Variants in PLEK2 observed in about 807,000 individuals in gnomAD.
The protein encoded by PLEK2 is pleckstrin 2, also known as pleckstrin-2.
PLEK2 carries 29 observed loss-of-function variants against 43.8 expected under a neutral mutation model. That is an observed-to-expected ratio of 0.66 (90% confidence interval 0.49 to 0.90). PLEK2 has a LOEUF of 0.90. PLEK2 is among the 40% of genes least tolerant of loss of function. The pLI is 0.00. For synonymous variants in PLEK2, 162 were observed against 173.2 expected (o/e 0.94, Z 0.51); for missense variants, 398 against 448.1 (o/e 0.89, Z 1.01).
At chr14:67,393,601 T>C (rs2085985537) in intron 3 of PLEK2, among the ~76,000 whole-genome samples, 1 of 151,932 alleles carries the variant, frequency 6.6e-6, no homozygotes, top group Non-Finnish European at 1.5e-5. Context: ...TTACAGACAT[T>C]TGCCACCACA....
intron 1 of PLEK2, among the ~76,000 whole-genome samples, chr14:67,411,803 TC>T (rs1157302487): frequency 6.6e-6 from 1 of 152,252 alleles, no homozygotes; most frequent in Admixed American, 6.5e-5. Context: ...AGTGGGATTC[TC>T]CTCCTTGCCT....
chr14:67,395,324 C>T (rs1057165603), intron 3 of PLEK2, 78 bp downstream of exon 3: 7 of 1,326,198 alleles, frequency 5.3e-6, no homozygotes, highest in Admixed American at 3.7e-5. Context: ...CACAGAGCCC[C>T]CCCAAGGGGC....
chr14:67,393,011 C>A (rs1236910220), intron 4 of PLEK2, 139 bp downstream of exon 4: 1 of 870,518 alleles, frequency 1.1e-6, no homozygotes, highest in Non-Finnish European at 1.9e-6. Context: ...GCTGCACACC[C>A]ACACATGGCC....
At chr14:67,398,869 G>GT in intron 1 of PLEK2, among the ~76,000 whole-genome samples, 1 of 152,264 alleles carries the variant, frequency 6.6e-6, no homozygotes. Context: ...TCCCTGTTTT[G>GT]TTTGGCCTTG....
intron 7 of PLEK2, among the ~76,000 whole-genome samples, chr14:67,389,626 A>G (rs1459197697): frequency 2.6e-5 from 4 of 152,066 alleles, no homozygotes; most frequent in African/African-American, 9.7e-5. Flanking sequence ...GTATTTATAG[A>G]TAGGTGTGTA....
intron 6 of PLEK2, among the ~76,000 whole-genome samples, chr14:67,390,960 T>A (rs2085962039): frequency 6.6e-6 from 1 of 151,922 alleles, no homozygotes; most frequent in South Asian, 2.1e-4. Flanking sequence ...AAAAATGCCA[T>A]CACCTTAAGT....
At chr14:67,392,583 G>A in intron 5 of PLEK2, 79 bp downstream of exon 5, 1 of 1,362,420 alleles carries the variant, frequency 7.3e-7, no homozygotes, top group South Asian at 1.2e-5. Context: ...TCCCATGACT[G>A]TGGCCCCCAG....
In PLEK2 at chr14:67,393,227, T is replaced by G; in HGVS notation, c.404A>C (p.Lys135Thr). 6.2e-7 allele frequency: 1 copy of G among 1,613,212 alleles called. No individual in the cohort carries two copies. The highest frequency in any genetic ancestry group is 1.7e-5 in the Admixed American group (1 of 60,032). The change falls in exon 4 of 9, where the codon AAG becomes ACG. Residue 135 changes from lysine to threonine, a missense_variant. By Grantham distance (78) the Lys-to-Thr change is moderately conservative. Transcript: ENST00000216446. Reference sequence around the variant, plus strand: ...GATTCCGGTGTTGCTATCGTGCATCTTGTCCACAATGCGACTACATGGAAG... The same window carrying G: ...GATTCCGGTGTTGCTATCGTGCATCGTGTCCACAATGCGACTACATGGAAG... ...PHISLHRIVD[K>T]MHDSNTGIRS... is the part of the protein sequence containing the mutation.
At chr14:67,409,743 C>A (rs1315484978) in intron 1 of PLEK2, among the ~76,000 whole-genome samples, 1 of 152,200 alleles carries the variant, frequency 6.6e-6, no homozygotes, top group Non-Finnish European at 1.5e-5. Context: ...GACTGCTCTG[C>A]ACTCCGGCTT....
chr14:67,395,416 C>T lies in PLEK2; in HGVS notation c.375G>A (p.Pro125=), dbSNP rs776165676. The change falls in exon 3 of 9, where the codon CCG becomes CCA. Residue 125 remains proline (P), a synonymous_variant. Transcript: ENST00000216446. ...GGGGCACTCACTGCAGGCTGATGTG[C>T]GGGGGCAGCTTGAAGGAGTTTCTCA... ...HSLRNSFKLP[P]HISLHRIVDK... 52 of 1,613,578 alleles carry T rather than the reference C, an allele frequency of 3.2e-5. No homozygotes were observed. Among genetic ancestry groups the T allele is most frequent in the East Asian group, 4.5e-5 (2 of 44,886 alleles).
At position 67,405,709 on chromosome 14, in the gene PLEK2, C is replaced by T. The variant is rs149171617; in HGVS notation, c.42+6309G>A. On this transcript the variant is annotated intron_variant, in intron 1 of 8. Coordinates refer to ENST00000216446, the MANE Select transcript of PLEK2 (RefSeq NM_016445.3). ...TCTTTCTCCCTCTGCCTCTCTCCCT[C>T]TCTCTCTTTCTGATTATTTGCTGTG... Among the ~76,000 whole-genome samples the T allele has an allele frequency of 1.2e-4, 18 of 152,356 alleles. No individual in the cohort carries two copies. In the Middle Eastern group the frequency reaches 0.017, roughly 144 times the overall value.
At chr14:67,389,927 C>G (rs975541801) in intron 7 of PLEK2, among the ~76,000 whole-genome samples, 23 of 152,270 alleles carry the variant, frequency 1.5e-4, no homozygotes, top group African/African-American at 5.3e-4. Context: ...TTTGGAGGCT[C>G]CTCCTGCCAC....
At chr14:67,411,580 G>A (rs1372651094) in intron 1 of PLEK2, among the ~76,000 whole-genome samples, 2 of 152,264 alleles carry the variant, frequency 1.3e-5, no homozygotes, top group South Asian at 4.1e-4. Context: ...GGGCTGCTGG[G>A]AGGATGACAT....
At position 67,395,713 on chromosome 14, in the gene PLEK2, T is replaced by G; in HGVS notation, c.208-130A>C. 7.6e-6 allele frequency: 5 copies of G among 657,980 alleles called. 1 individual carries two copies. The South Asian group carries it at 9.2e-5, about 12-fold the overall frequency. 40.8% of individuals were successfully genotyped at this position (657,980 alleles called of 1,614,324 possible). On this transcript the variant is annotated intron_variant, in intron 2 of 8. Coordinates refer to ENST00000216446, the MANE Select transcript of PLEK2 (RefSeq NM_016445.3). ...CAAATGCCCTGAGCCCTCGGCCACA[T>G]AGCAGGTAGTCTTTAAAGATTCACT...
intron 7 of PLEK2, among the ~76,000 whole-genome samples, 180 bp from the exon 8 acceptor site, chr14:67,388,482 C>G (rs1350328984): frequency 2.0e-5 from 3 of 152,176 alleles, no homozygotes; most frequent in African/African-American, 7.2e-5. Flanking sequence ...GCTTGGGCCT[C>G]TTCATTTCAC....
intron 1 of PLEK2, chr14:67,398,071 A>G (rs773860805): frequency 1.1e-4 from 38 of 358,318 alleles, no homozygotes; most frequent in Non-Finnish European, 1.7e-4. Context: ...AAGTAAAAAG[A>G]AGAGAAAAAT....
intron 7 of PLEK2, 46 bp downstream of exon 7, chr14:67,390,617 G>A: frequency 7.8e-7 from 1 of 1,288,308 alleles, no homozygotes; most frequent in Non-Finnish European, 1.1e-6. Flanking sequence ...GAGTGTCTGG[G>A]GGCATCACAA....
intron 7 of PLEK2, 54 bp downstream of exon 7, chr14:67,390,609 G>T: frequency 8.2e-7 from 1 of 1,218,802 alleles, no homozygotes; most frequent in African/African-American, 1.5e-5. Context: ...CAGGAGAGGA[G>T]TGTCTGGGGG....
At chr14:67,406,491 GT>G (rs1427343155) in intron 1 of PLEK2, among the ~76,000 whole-genome samples, 1 of 152,068 alleles carries the variant, frequency 6.6e-6, no homozygotes, top group Non-Finnish European at 1.5e-5. Context: ...GAGACTCCCC[GT>G]GGTTCTATAT....
Sources: gnomAD v4.1 joint callset for allele counts (sites outside exome capture counted in the v4.1 genomes callset) on GRCh38, gnomAD v4.1.1 for gene constraint, MANE v1.5 for transcripts, NCBI Gene and HGNC (gene_info 2026-07-23, HGNC 2026-07-21) for gene names.